FARS2: variants seen among roughly 807,000 people sequenced by gnomAD.
FARS2 encodes phenylalanine--tRNA ligase, mitochondrial.
In FARS2, 40 loss-of-function variants were observed where a neutral mutation model predicts 46.4. The observed-to-expected ratio is 0.86, with a 90% CI of 0.67 to 1.12. The LOEUF (loss-of-function observed/expected upper bound fraction) is 1.12, where lower values mean the gene tolerates loss of function less well. Among genes scored for constraint, FARS2 ranks in the 50% most tolerant of loss-of-function variants. FARS2 has a pLI of 0.00. For synonymous variants in FARS2, 234 were observed against 214.9 expected, an observed-to-expected ratio of 1.09 and a Z score of -0.78; for missense variants, 513 against 567.9, an observed-to-expected ratio of 0.90 and a Z score of 0.98.
chr6:5,337,835 G>T (rs1041485860), intron 1 of FARS2, among the ~76,000 whole-genome samples: 1 of 152,138 alleles, frequency 6.6e-6, no homozygotes, highest in East Asian at 1.9e-4. Context: ...ATGATTGGCT[G>T]TAAAGTGCCT....
intron 4 of FARS2, among the ~76,000 whole-genome samples, chr6:5,469,754 A>G (rs1055312376): frequency 2.0e-5 from 3 of 152,248 alleles, no homozygotes; most frequent in Admixed American, 1.3e-4. Flanking sequence ...ATAAGAATGA[A>G]CAGAGCTTTT....
intron 6 of FARS2, among the ~76,000 whole-genome samples, chr6:5,616,974 G>T (rs994778425): frequency 1.9e-4 from 28 of 150,426 alleles, no homozygotes; most frequent in African/African-American, 6.4e-4. Context: ...TTGAGGAGGG[G>T]GTAAACATTG....
intron 1 of FARS2, among the ~76,000 whole-genome samples, chr6:5,290,169 C>G (rs1352351578): frequency 2.6e-5 from 4 of 152,142 alleles, no homozygotes; most frequent in Non-Finnish European, 5.9e-5. Context: ...TACCCTTCAA[C>G]AAAAGTCTTA....
At chr6:5,385,129 C>G (rs1332233638) in intron 2 of FARS2, among the ~76,000 whole-genome samples, 1 of 152,116 alleles carries the variant, frequency 6.6e-6, no homozygotes, top group Non-Finnish European at 1.5e-5. Context: ...TTAACTGGGC[C>G]CTTGAAACAC....
chr6:5,529,096 A>G (rs1464912149), intron 4 of FARS2, among the ~76,000 whole-genome samples: 1 of 152,220 alleles, frequency 6.6e-6, no homozygotes, highest in African/African-American at 2.4e-5. Flanking sequence ...AGATAGCTGT[A>G]TAATCTAGGA....
At chr6:5,744,051 C>T (rs1246762256) in intron 6 of FARS2, among the ~76,000 whole-genome samples, 13 of 152,184 alleles carry the variant, frequency 8.5e-5, no homozygotes, top group Admixed American at 8.5e-4. Flanking sequence ...TCCTGTGAGA[C>T]AGGATTGGTT....
At chr6:5,537,567 T>TCCTCTCGAGTTGGAGATGTCCCGGGCC (rs1561694831) in intron 4 of FARS2, among the ~76,000 whole-genome samples, 9 of 52,332 alleles carry the variant, frequency 1.7e-4, no homozygotes, top group Admixed American at 5.9e-4. Context: ...TGTCCCGGGC[T>TCCTCTCGAGTTGGAGATGTCCCGGGCC]TCCTCTCGAG....
intron 1 of FARS2, among the ~76,000 whole-genome samples, chr6:5,268,276 G>A (rs1226823813): frequency 5.9e-5 from 9 of 151,586 alleles, no homozygotes; most frequent in Admixed American, 5.3e-4. Context: ...CGAAGTCCTT[G>A]CCCATGCCTA....
chr6:5,456,797 A>G (rs1251259870), intron 4 of FARS2, among the ~76,000 whole-genome samples: 5 of 150,474 alleles, frequency 3.3e-5, no homozygotes, highest in Non-Finnish European at 7.4e-5. Flanking sequence ...TTGGAAAGTG[A>G]GGCTCCATCT....
At chr6:5,561,631 T>A (rs1278388985) in intron 5 of FARS2, among the ~76,000 whole-genome samples, 24 of 152,172 alleles carry the variant, frequency 1.6e-4, no homozygotes. Context: ...TGCATTTTGG[T>A]TTGGATTTGT....
At chr6:5,739,153 T>A (rs2150948894) in intron 6 of FARS2, among the ~76,000 whole-genome samples, 1 of 152,248 alleles carries the variant, frequency 6.6e-6, no homozygotes, top group African/African-American at 2.4e-5. Context: ...CCTTTTGCAC[T>A]CAACATAATG....
At chr6:5,373,939 C>T (rs995506320) in intron 2 of FARS2, among the ~76,000 whole-genome samples, 4 of 151,752 alleles carry the variant, frequency 2.6e-5, no homozygotes, top group Non-Finnish European at 5.9e-5. Context: ...ACATTTGAGA[C>T]CACTGGAAAT....
At chr6:5,487,993 A>G (rs573689077) in intron 4 of FARS2, among the ~76,000 whole-genome samples, 3 of 152,278 alleles carry the variant, frequency 2.0e-5, no homozygotes, top group Admixed American at 6.5e-5. Flanking sequence ...TCTGGAGAAT[A>G]TTCTCTCCTT....
chr6:5,521,095 C>T (rs1459645415), intron 4 of FARS2, among the ~76,000 whole-genome samples: 2 of 150,754 alleles, frequency 1.3e-5, no homozygotes, highest in Non-Finnish European at 3.0e-5. Flanking sequence ...AGAAATCCTT[C>T]GTTTCCCTTT....
chr6:5,468,447 G>T (rs530778698), intron 4 of FARS2, among the ~76,000 whole-genome samples: 1 of 151,782 alleles, frequency 6.6e-6, no homozygotes, highest in Non-Finnish European at 1.5e-5. Flanking sequence ...TACAATAATT[G>T]AATTCCCTTT....
chr6:5,735,210 A>G (rs1276804494), intron 6 of FARS2, among the ~76,000 whole-genome samples: 1 of 152,224 alleles, frequency 6.6e-6, no homozygotes, highest in East Asian at 1.9e-4. Context: ...CAATATGTCT[A>G]TGTATGAATG....
chr6:5,356,451 A>G (rs1042699544), intron 1 of FARS2, among the ~76,000 whole-genome samples: 2 of 152,168 alleles, frequency 1.3e-5, no homozygotes, highest in Non-Finnish European at 2.9e-5. Context: ...ACTCTGTCAA[A>G]TGATAGGTAG....
At chr6:5,493,385 G>A (rs748251882) in intron 4 of FARS2, among the ~76,000 whole-genome samples, 4 of 152,294 alleles carry the variant, frequency 2.6e-5, no homozygotes, top group African/African-American at 4.8e-5. Flanking sequence ...ACAGTGCTCA[G>A]TGCAGAGCAA....
chr6:5,757,771 A>G (rs374065267), intron 6 of FARS2, among the ~76,000 whole-genome samples: 3 of 152,206 alleles, frequency 2.0e-5, no homozygotes, highest in East Asian at 3.8e-4. Context: ...GGCTGTTCCA[A>G]TCACAGCCAG....
Sources: allele counts gnomAD v4.1 joint callset (sites outside exome capture counted in the v4.1 genomes callset), GRCh38; gene constraint gnomAD v4.1.1; transcripts MANE v1.5; gene names NCBI Gene and HGNC (gene_info 2026-07-23, HGNC 2026-07-21).